SMCHD1: variants seen among roughly 807,000 people sequenced by gnomAD.
SMCHD1 encodes structural maintenance of chromosomes flexible hinge domain-containing protein 1.
In SMCHD1, 78 loss-of-function variants were observed where a neutral mutation model predicts 254.7. The ratio of observed to expected loss-of-function variants is 0.31; its 90% CI spans 0.26 to 0.37. The LOEUF (loss-of-function observed/expected upper bound fraction) is 0.37, where lower values mean the gene tolerates loss of function less well. SMCHD1 is among the 10% of genes least tolerant of loss of function. The pLI is 1.00. For missense variants in SMCHD1, 1,840 were observed against 2,408.1 expected, an observed-to-expected ratio of 0.76 and a Z score of 4.94; for synonymous variants, 766 against 794.9, an observed-to-expected ratio of 0.96 and a Z score of 0.61.
intron 10 of SMCHD1, 146 bp downstream of exon 10, chr18:2,698,187 T>C (rs1466322245): frequency 5.2e-6 from 3 of 576,874 alleles, no homozygotes; most frequent in African/African-American, 3.8e-5. Context: ...GTTAGGTATT[T>C]GTAATTTTTG....
chr18:2,750,129 A>G lies in SMCHD1; in HGVS notation c.4007+7A>G, dbSNP rs763769769. ...TCAGTGTTTTTGCCCCTAGGTAAGA[A>G]CCAAAAGTTTGATAGTTGTTGGTGT... On this transcript the variant is annotated splice_region_variant and intron_variant, in intron 31 of 47. Transcript: ENST00000320876. The G allele has an allele frequency of 8.9e-6, 14 of 1,573,178 alleles. No individual in the cohort carries two copies. The Admixed American group carries it at 2.4e-4, about 27-fold the overall frequency.
intron 36 of SMCHD1, 80 bp from the exon 37 acceptor site, chr18:2,763,557 A>G (rs2075821048): frequency 8.7e-7 from 1 of 1,149,350 alleles, no homozygotes; most frequent in East Asian, 2.9e-5. Flanking sequence ...TCTCTGTATT[A>G]TTTCTGATTT....
chr18:2,664,870 C>G (rs1021615448), intron 1 of SMCHD1, among the ~76,000 whole-genome samples: 5 of 152,182 alleles, frequency 3.3e-5, no homozygotes, highest in African/African-American at 1.2e-4. Context: ...ACCATTGATA[C>G]AAGAAAAGCA....
At chr18:2,694,465 A>G in intron 7 of SMCHD1, 62 bp from the exon 8 acceptor site, 6 of 1,296,508 alleles carry the variant, frequency 4.6e-6, no homozygotes, top group Non-Finnish European at 6.3e-6. Flanking sequence ...TTGATGCAAT[A>G]GCTATTTGTA....
intron 17 of SMCHD1, among the ~76,000 whole-genome samples, chr18:2,711,724 C>T (rs917212733): frequency 4.6e-5 from 7 of 151,938 alleles, no homozygotes; most frequent in East Asian, 1.9e-4. Flanking sequence ...CCTCGTGATC[C>T]GCCCGCCTCG....
At position 2,718,680 on chromosome 18, in the gene SMCHD1, C is replaced by T. The variant is rs1461087061; in HGVS notation, c.2458+246C>T. 3.3e-5 allele frequency among the ~76,000 whole-genome samples: 5 copies of T among 152,062 alleles called. No individual in the cohort carries two copies. The highest frequency in any genetic ancestry group is 9.7e-5 in the African/African-American group (4 of 41,390). On this transcript the variant is annotated intron_variant, in intron 19 of 47. Coordinates refer to ENST00000320876, the MANE Select transcript of SMCHD1 (RefSeq NM_015295.3). The surrounding 1 kb of genome is among the most constrained non-coding windows in gnomAD (Gnocchi z 4.6). ...AAGTGATTTTCCTGCCTCAGCCTCC[C>T]GAGTAGCTGGGATTACAGGCGCCCG...
At chr18:2,751,209 A>C in intron 32 of SMCHD1, 69 bp from the exon 33 acceptor site, 1 of 804,520 alleles carries the variant, frequency 1.2e-6, no homozygotes, top group Non-Finnish European at 2.0e-6. Flanking sequence ...GCTTTAAGGC[A>C]TACAATTATT....
At chr18:2,699,058 A>C (rs2074344023) in intron 10 of SMCHD1, among the ~76,000 whole-genome samples, 1 of 152,172 alleles carries the variant, frequency 6.6e-6, no homozygotes, top group African/African-American at 2.4e-5. Flanking sequence ...AACAATATTA[A>C]ACTTTTTCAT....
intron 37 of SMCHD1, among the ~76,000 whole-genome samples, chr18:2,767,882 A>G (rs945119676): frequency 2.0e-5 from 3 of 151,900 alleles, no homozygotes; most frequent in African/African-American, 7.3e-5. Flanking sequence ...GAGCCACCAC[A>G]CCCAGCAGCA....
At chr18:2,701,024 CTA>C (rs1318756757) in intron 12 of SMCHD1, 106 bp downstream of exon 12, 22 of 854,652 alleles carry the variant, frequency 2.6e-5, no homozygotes, top group Middle Eastern at 3.8e-4. Flanking sequence ...CATCAAAAGA[CTA>C]TGATGTATAA....
intron 34 of SMCHD1, among the ~76,000 whole-genome samples, chr18:2,755,698 G>A (rs1041847564): frequency 4.6e-5 from 7 of 150,906 alleles, no homozygotes; most frequent in Non-Finnish European, 8.8e-5. Flanking sequence ...CTCCGGAGTA[G>A]CTGGGACTAT....
At chr18:2,751,214 A>G (rs1421191215) in intron 32 of SMCHD1, 64 bp from the exon 33 acceptor site, 6 of 863,550 alleles carry the variant, frequency 6.9e-6, no homozygotes, top group Non-Finnish European at 1.1e-5. Context: ...AAGGCATACA[A>G]TTATTTAACC....
rs17627559 is a variant in SMCHD1 at position 2,729,179 on chromosome 18, T to C, written c.2914-96T>C. ...GAATTTTCTTATTCATTGCCAGAAA[T>C]AGTAGCTCTACTGAATTATTTGAAA... On this transcript the variant is annotated intron_variant, in intron 23 of 47. Coordinates refer to ENST00000320876, the MANE Select transcript of SMCHD1 (RefSeq NM_015295.3). 0.21 allele frequency: 211,381 copies of C among 990,194 alleles called. 24,091 individuals carry two copies. The highest frequency in any genetic ancestry group is 0.27 in the Admixed American group (7,192 of 26,424). The allele number at this position is 990,194 out of a possible 1,614,324, so 61.3% of individuals were successfully genotyped here.
chr18:2,681,876 G>A (rs1313589720), intron 5 of SMCHD1, among the ~76,000 whole-genome samples: 1 of 152,134 alleles, frequency 6.6e-6, no homozygotes, highest in East Asian at 1.9e-4. Flanking sequence ...AAGTAAAAAT[G>A]CTACATGACC....
At chr18:2,737,583 A>G (rs1049710283) in intron 25 of SMCHD1, among the ~76,000 whole-genome samples, 2 of 152,030 alleles carry the variant, frequency 1.3e-5, no homozygotes, top group Admixed American at 1.3e-4. Flanking sequence ...CCTGGGGTGC[A>G]TGCCTGTAAT....
rs1277500703 is a variant in SMCHD1, at chr18:2,681,447, T to A, written c.639-6947T>A. 2.7e-5 allele frequency among the ~76,000 whole-genome samples: 4 copies of A among 149,636 alleles called. No individual in the cohort carries two copies. In the East Asian group the frequency reaches 7.8e-4, roughly 29 times the overall value. ...AAAAAAAAGGAAAATTAGCCAGGTG[T>A]TGTGGCTTGCACCTTTAGCCCCAGC... On this transcript the variant is annotated intron_variant, in intron 5 of 47. Coordinates refer to ENST00000320876, the MANE Select transcript of SMCHD1 (RefSeq NM_015295.3).
Position 2,762,137 on chromosome 18 carries a change from G to T in SMCHD1, c.4467G>T (p.Val1489=), listed in dbSNP as rs2075797234. The T allele has an allele frequency of 6.2e-7, 1 of 1,613,490 alleles. No individual in the cohort carries two copies. The highest frequency in any genetic ancestry group is 1.3e-5 in the African/African-American group (1 of 74,910). The change falls in exon 36 of 48, where the codon GTG becomes GTT. Residue 1489 remains valine, a synonymous_variant. Coordinates refer to ENST00000320876, the MANE Select transcript of SMCHD1 (RefSeq NM_015295.3). Reference sequence around the variant, plus strand: ...TTGAAGTCCTGCCTAATCAACCTGTGAAGTTAGTACCTAAAATTAAACCAC... The same window carrying T: ...TTGAAGTCCTGCCTAATCAACCTGTTAAGTTAGTACCTAAAATTAAACCAC... The part of the protein sequence containing the change: ...VIVEVLPNQP[V]KLVPKIKPPT...
Position 2,656,229 on chromosome 18 carries a change from G to C in SMCHD1, c.154G>C (p.Asp52His). 3 of 1,503,524 alleles carry C rather than the reference G, an allele frequency of 2.0e-6. No homozygotes were observed. Among genetic ancestry groups the C allele is most frequent in the Non-Finnish European group, 2.6e-6 (3 of 1,135,500 alleles). 93.1% of individuals were successfully genotyped at this position (1,503,524 alleles called of 1,614,324 possible). A position where few individuals can be genotyped will look rare whatever the true frequency, so the allele number is the denominator to read the frequency against. ...GCCTCTGCAGGTCGGGGAGCGCTCG[G>C]ACTACGCGGGATTTCGCGCGTGTGT... ...DRPLQVGERS[D>H]YAGFRACVCQ... Residue 52 changes from aspartate (D) to histidine (H), a missense_variant, in exon 1 of 48, where the codon GAC becomes CAC. Around this residue, in one of 9 missense-constraint regions of SMCHD1, gnomAD observed 115 missense variants for 99.1 expected, o/e 1.16. Transcript: ENST00000320876.
Position 2,770,846 on chromosome 18 carries a change from T to C in SMCHD1, c.4967-687T>C, listed in dbSNP as rs144069376. 9.1e-3 allele frequency among the ~76,000 whole-genome samples: 1,379 copies of C among 152,110 alleles called. 7 individuals are homozygous for C. Among genetic ancestry groups the C allele is most frequent in the Admixed American group, 0.012 (179 of 15,274 alleles). On this transcript the variant is annotated intron_variant, in intron 39 of 47. Coordinates refer to ENST00000320876, the MANE Select transcript of SMCHD1 (RefSeq NM_015295.3). ...ATGTTGGCCGGGCTGGTCTCGAACT[T>C]CTTACCTCAAGTGATCTGCCCACCT...
Sources: gnomAD v4.1 joint callset for allele counts (sites outside exome capture counted in the v4.1 genomes callset) on GRCh38, gnomAD v4.1.1 for gene constraint, gnomAD v4.1.1 regional missense constraint, Gnocchi (gnomAD v3.1) non-coding constraint, MANE v1.5 for transcripts, NCBI Gene and HGNC (gene_info 2026-07-23, HGNC 2026-07-21) for gene names.